ZNF407: variants seen among roughly 807,000 people sequenced by gnomAD.
ZNF407 encodes the protein zinc finger protein 407.
ZNF407 carries 17 observed loss-of-function variants against 131.2 expected under a neutral mutation model. The ratio of observed to expected loss-of-function variants is 0.13; its 90% confidence interval spans 0.09 to 0.19. ZNF407 has a LOEUF of 0.19. Among genes scored for constraint, ZNF407 ranks in the 10% least tolerant of loss-of-function variants. The pLI is 1.00. For synonymous variants in ZNF407, 1,156 were observed against 1,062.0 expected (o/e 1.09, Z -1.72); for missense variants, 2,681 against 2,830.6 (o/e 0.95, Z 1.20).
chr18:74,896,080 C>T (rs564874895), intron 7 of ZNF407, among the ~76,000 whole-genome samples: 1 of 152,180 alleles, frequency 6.6e-6, no homozygotes, highest in South Asian at 2.1e-4. Context: ...CACAATCTTC[C>T]AGAGAATCAG....
intron 4 of ZNF407, among the ~76,000 whole-genome samples, chr18:74,869,459 A>G (rs911028487): frequency 1.3e-5 from 2 of 152,218 alleles, no homozygotes; most frequent in African/African-American, 4.8e-5. Flanking sequence ...AATGGGTCTC[A>G]TATGCAGTAT....
intron 3 of ZNF407, among the ~76,000 whole-genome samples, chr18:74,763,826 C>T (rs1455908706): frequency 6.7e-6 from 1 of 149,860 alleles, no homozygotes; most frequent in East Asian, 2.0e-4. Context: ...TCTCCTGCCT[C>T]AGCCTCCCGA....
chr18:74,886,467 G>A (rs1380315061), intron 6 of ZNF407, among the ~76,000 whole-genome samples: 2 of 152,158 alleles, frequency 1.3e-5, no homozygotes, highest in African/African-American at 4.8e-5. Context: ...AGGTTTGTTT[G>A]TGGTAGTAGC....
At chr18:74,829,307 C>G (rs1970451037) in intron 4 of ZNF407, among the ~76,000 whole-genome samples, 1 of 152,200 alleles carries the variant, frequency 6.6e-6, no homozygotes, top group Admixed American at 6.5e-5. Flanking sequence ...TTGTAATAGG[C>G]ATTCAGTAAA....
At chr18:74,895,656 T>C (rs1401783627) in intron 7 of ZNF407, among the ~76,000 whole-genome samples, 2 of 152,220 alleles carry the variant, frequency 1.3e-5, no homozygotes, top group African/African-American at 4.8e-5. Context: ...AACATGTTTT[T>C]CAGGTCATAG....
chr18:74,784,526 C>A (rs1969667720), intron 4 of ZNF407, among the ~76,000 whole-genome samples: 1 of 152,164 alleles, frequency 6.6e-6, no homozygotes, highest in South Asian at 2.1e-4. Context: ...CTGTGAACAC[C>A]TGAGGTGATG....
Position 75,051,235 on chromosome 18 carries a change from C to T in ZNF407, c.5429-11915C>T, listed in dbSNP as rs917786844. ...TAAGACATATGTAAGTATCCAGTTG[C>T]TTATGGACCCATGTTAATGCTGTCA... On this transcript the variant is annotated intron_variant, in intron 8 of 8. Coordinates refer to ENST00000299687, the MANE Select transcript of ZNF407 (RefSeq NM_017757.3). Among the ~76,000 whole-genome samples the T allele has an allele frequency of 8.5e-5, 13 of 152,214 alleles. No homozygotes were observed. In the South Asian group the frequency reaches 1.0e-3, roughly 12 times the overall value.
At chr18:74,976,317 C>A (rs571185028) in intron 8 of ZNF407, among the ~76,000 whole-genome samples, 1 of 152,296 alleles carries the variant, frequency 6.6e-6, no homozygotes, top group East Asian at 1.9e-4. Flanking sequence ...TGAGTGTTTA[C>A]ATGCCCCTTT....
intron 8 of ZNF407, among the ~76,000 whole-genome samples, chr18:74,924,920 C>T (rs931508409): frequency 7.9e-5 from 12 of 152,154 alleles, no homozygotes; most frequent in African/African-American, 2.2e-4. Flanking sequence ...CACTGGAAGA[C>T]CCACGGGTAG....
At chr18:74,610,782 C>T (rs1983025145) in intron 1 of ZNF407, among the ~76,000 whole-genome samples, 1 of 152,026 alleles carries the variant, frequency 6.6e-6, no homozygotes, top group Non-Finnish European at 1.5e-5. Context: ...TCGAACCCCT[C>T]ACCTCAGGTG....
intron 4 of ZNF407, among the ~76,000 whole-genome samples, chr18:74,788,494 C>G (rs965499664): frequency 6.6e-6 from 1 of 151,304 alleles, no homozygotes; most frequent in African/African-American, 2.4e-5. Context: ...CTGAACAGAC[C>G]CAGTTAACAA....
At chr18:74,670,158 A>C (rs934367773) in intron 3 of ZNF407, among the ~76,000 whole-genome samples, 1 of 152,240 alleles carries the variant, frequency 6.6e-6, no homozygotes, top group Non-Finnish European at 1.5e-5. Flanking sequence ...TTTTTGAGGG[A>C]GTTCCTGACA....
In ZNF407 at chr18:74,704,419, G is replaced by T. The variant is rs532651927; in HGVS notation, c.4802+63297G>T. On this transcript the variant is annotated intron_variant, in intron 3 of 8. Coordinates refer to ENST00000299687, the MANE Select transcript of ZNF407 (RefSeq NM_017757.3). ...CAACGGGGAAAATGAAGGGAAAAAGGCCGGTTCAGTAGAGTTTAACTGTAA... is the reference window on the plus strand; with the variant it reads ...CAACGGGGAAAATGAAGGGAAAAAGTCCGGTTCAGTAGAGTTTAACTGTAA... 3.3e-5 allele frequency among the ~76,000 whole-genome samples: 5 copies of T among 152,288 alleles called. No individual in the cohort carries two copies. In the South Asian group the frequency reaches 1.0e-3, roughly 32 times the overall value.
intron 3 of ZNF407, among the ~76,000 whole-genome samples, chr18:74,711,015 T>C (rs1967747737): frequency 6.6e-6 from 1 of 151,238 alleles, no homozygotes; most frequent in African/African-American, 2.4e-5. Flanking sequence ...CAATTCACTC[T>C]GTCCATTCTC....
rs1327030341 is a variant in ZNF407 at position 74,631,508 on chromosome 18, A to G, written c.489A>G (p.Glu163=). The G allele has an allele frequency of 6.2e-7, 1 of 1,613,830 alleles. No individual in the cohort carries two copies. The highest frequency in any genetic ancestry group is 1.3e-5 in the African/African-American group (1 of 74,918). Reference sequence around the variant, plus strand: ...AGGAAATGGTTTCCCTTGATCTGGAAAGAGAATCTCCTTTCCCCCCGAAAG... The same window carrying G: ...AGGAAATGGTTTCCCTTGATCTGGAGAGAGAATCTCCTTTCCCCCCGAAAG... ...SAQEMVSLDL[E]RESPFPPKEI... is the part of the protein sequence containing the mutation. The change falls in exon 2 of 9, where the codon GAA becomes GAG. Residue 163 remains glutamate, a synonymous_variant. Coordinates refer to ENST00000299687, the MANE Select transcript of ZNF407 (RefSeq NM_017757.3).
intron 3 of ZNF407, among the ~76,000 whole-genome samples, chr18:74,775,654 C>T (rs1268417611): frequency 6.6e-6 from 1 of 152,140 alleles, no homozygotes; most frequent in Non-Finnish European, 1.5e-5. Context: ...ATGTTGATAC[C>T]TGTATTAGGC....
Position 74,684,012 on chromosome 18 carries a change from T to C in ZNF407, c.4802+42890T>C, listed in dbSNP as rs752299673. On this transcript the variant is annotated intron_variant, in intron 3 of 8. Transcript: ENST00000299687. ...TTTGATATTTTTGTAGTGAAAATCATAGAACTGTGGTTGTTAGTGCTATAA... is the reference window on the plus strand; with the variant it reads ...TTTGATATTTTTGTAGTGAAAATCACAGAACTGTGGTTGTTAGTGCTATAA... Among the ~76,000 whole-genome samples, 109 of 152,338 alleles carry C rather than the reference T, an allele frequency of 7.2e-4. 1 individual carries two copies. Among genetic ancestry groups the C allele is most frequent in the Non-Finnish European group, 9.6e-4 (65 of 68,004 alleles).
intron 3 of ZNF407, among the ~76,000 whole-genome samples, chr18:74,769,732 G>A (rs780729459): frequency 5.3e-5 from 8 of 152,230 alleles, no homozygotes; most frequent in Non-Finnish European, 1.2e-4. Flanking sequence ...TAGACTAGAT[G>A]CGGGTTTTCA....
Position 74,667,087 on chromosome 18 carries a change from G to A in ZNF407, c.4802+25965G>A, listed in dbSNP as rs118039548. Among the ~76,000 whole-genome samples, 1,406 of 152,214 alleles carry A rather than the reference G, an allele frequency of 9.2e-3. 21 individuals carry two copies. The highest frequency in any genetic ancestry group is 0.048 in the South Asian group (230 of 4,824). ...ATCACATCTTGTCACTTGATGATCT[G>A]TTGGTGCCTCACAAGTTCAAATGTC... On this transcript the variant is annotated intron_variant, in intron 3 of 8. Coordinates refer to ENST00000299687, the MANE Select transcript of ZNF407 (RefSeq NM_017757.3).
Sources: allele counts gnomAD v4.1 joint callset (sites outside exome capture counted in the v4.1 genomes callset), GRCh38; gene constraint gnomAD v4.1.1; transcripts MANE v1.5; gene names NCBI Gene and HGNC (gene_info 2026-07-23, HGNC 2026-07-21).